The following ADIPOR2 variants were observed in gnomAD, a reference collection of about 807,000 sequenced individuals.
ADIPOR2 encodes adiponectin receptor protein 2.
ADIPOR2 carries 18 observed loss-of-function variants against 40.9 expected under a neutral mutation model. The observed-to-expected ratio is 0.44, with a 90% CI of 0.30 to 0.65. The LOEUF (loss-of-function observed/expected upper bound fraction) is 0.65. ADIPOR2 is among the 30% of genes least tolerant of loss of function. The pLI is 0.09. For missense variants in ADIPOR2, 283 were observed against 479.2 expected (o/e 0.59, Z 3.82); for synonymous variants, 165 against 166.4 (o/e 0.99, Z 0.06).
At chr12:1,767,775 T>C (rs1862415533) in intron 2 of ADIPOR2, among the ~76,000 whole-genome samples, 1 of 152,148 alleles carries the variant, frequency 6.6e-6, no homozygotes, top group African/African-American at 2.4e-5. Context: ...TTTCAAGTAG[T>C]TTAAGGAGAT....
At chr12:1,724,080 C>G (rs2094703139) in intron 1 of ADIPOR2, among the ~76,000 whole-genome samples, 1 of 151,810 alleles carries the variant, frequency 6.6e-6, no homozygotes, top group African/African-American at 2.4e-5. Context: ...CTCCCGGGTT[C>G]AAGCGATTCT....
intron 1 of ADIPOR2, among the ~76,000 whole-genome samples, chr12:1,741,829 T>C (rs1469583539): frequency 6.6e-6 from 1 of 152,226 alleles, no homozygotes; most frequent in Non-Finnish European, 1.5e-5. Context: ...AGAGTTCTTT[T>C]TTCTTAGGTA....
At chr12:1,699,499 A>G (rs1231370334) in intron 1 of ADIPOR2, among the ~76,000 whole-genome samples, 3 of 152,064 alleles carry the variant, frequency 2.0e-5, no homozygotes, top group Non-Finnish European at 2.9e-5. Flanking sequence ...CCAAAAACAA[A>G]AATTAGCCAG....
intron 1 of ADIPOR2, among the ~76,000 whole-genome samples, chr12:1,708,967 G>T (rs1005200442): frequency 1.3e-5 from 2 of 152,084 alleles, no homozygotes; most frequent in Non-Finnish European, 2.9e-5. Flanking sequence ...TGATCCACCT[G>T]CCTATACCTC....
chr12:1,757,739 C>T, intron 2 of ADIPOR2: 1 of 1,274,390 alleles, frequency 7.8e-7, no homozygotes, highest in Non-Finnish European at 1.1e-6. Flanking sequence ...CCCGTCTTGT[C>T]AATGCTGATG....
chr12:1,757,603 G>A (rs1338195279), intron 2 of ADIPOR2: 5 of 1,225,360 alleles, frequency 4.1e-6, no homozygotes, highest in Non-Finnish European at 6.1e-6. Flanking sequence ...GGCATCATGA[G>A]TCACCAGATG....
Position 1,787,975 on chromosome 12 carries a change from C to T in ADIPOR2, c.*1903C>T, listed in dbSNP as rs965117812. ...ACAGAATAAAGAACAGTATTAATCC[C>T]TTTGAGAAAGCATAGTCCAGCAGGA... On this transcript the variant is annotated 3_prime_UTR_variant, in exon 8 of 8. Coordinates refer to ENST00000357103, the MANE Select transcript of ADIPOR2 (RefSeq NM_024551.3). 1 of 152,668 alleles carries T rather than the reference C, an allele frequency of 6.6e-6. No homozygotes were observed. The highest frequency in any genetic ancestry group is 2.4e-5 in the African/African-American group (1 of 41,452). The allele number at this position is 152,668 out of a possible 1,614,324, so 9.5% of individuals were successfully genotyped here. A position where few individuals can be genotyped will look rare whatever the true frequency, so the allele number is the denominator to read the frequency against.
At chr12:1,735,408 G>A (rs990610841) in intron 1 of ADIPOR2, among the ~76,000 whole-genome samples, 1 of 152,122 alleles carries the variant, frequency 6.6e-6, no homozygotes, top group African/African-American at 2.4e-5. Context: ...TCTGTTATTG[G>A]TTTATAAGAA....
rs567278877 is a variant in ADIPOR2, at chr12:1,786,535, A to G, written c.*463A>G. ...TTTTAAATGCTCTTTTGGGAGAACAAAGAAATTAATGTAAATAAGATTTCT... is the reference window on the plus strand; with the variant it reads ...TTTTAAATGCTCTTTTGGGAGAACAGAGAAATTAATGTAAATAAGATTTCT... On this transcript the variant is annotated 3_prime_UTR_variant, in exon 8 of 8. Transcript: ENST00000357103. 6.5e-6 allele frequency: 1 copy of G among 154,854 alleles called. No individual in the cohort carries two copies. 9.6% of individuals were successfully genotyped at this position (154,854 alleles called of 1,614,324 possible).
At chr12:1,723,710 G>T (rs1176669465) in intron 1 of ADIPOR2, among the ~76,000 whole-genome samples, 1 of 151,846 alleles carries the variant, frequency 6.6e-6, no homozygotes, top group East Asian at 1.9e-4. Context: ...CTGCAAAAAA[G>T]CCAATCCTGA....
intron 1 of ADIPOR2, among the ~76,000 whole-genome samples, chr12:1,723,364 T>G (rs2094701432): frequency 6.6e-6 from 1 of 151,254 alleles, no homozygotes; most frequent in Non-Finnish European, 1.5e-5. Context: ...GCACAGTGGC[T>G]CATGCCTGTA....
At chr12:1,733,716 C>T (rs2154442641) in intron 1 of ADIPOR2, among the ~76,000 whole-genome samples, 1 of 152,122 alleles carries the variant, frequency 6.6e-6, no homozygotes, top group African/African-American at 2.4e-5. Flanking sequence ...ATTAACTAAT[C>T]ATTTAACGTT....
rs534594116 is a variant in ADIPOR2, at chr12:1,703,305, A to G, written c.-87+12114A>G. Among the ~76,000 whole-genome samples the G allele has an allele frequency of 6.6e-5, 10 of 152,362 alleles. No individual in the cohort carries two copies. The South Asian group carries it at 8.3e-4, about 13-fold the overall frequency. ...CAGTGCAAAATTTTTGCAGGCACAT[A>G]TGTATATGATATATGCAATCTATAT... On this transcript the variant is annotated intron_variant, in intron 1 of 7. Coordinates refer to ENST00000357103, the MANE Select transcript of ADIPOR2 (RefSeq NM_024551.3).
intron 2 of ADIPOR2, chr12:1,757,787 G>C (rs536400665): frequency 1.7e-5 from 16 of 947,670 alleles, no homozygotes; most frequent in Non-Finnish European, 2.4e-5. Flanking sequence ...ATATGAGTTC[G>C]GACCTTGCCA....
chr12:1,729,617 GTTTTTTTTTT>G lies in ADIPOR2; in HGVS notation c.-86-24626_-86-24617del, dbSNP rs56921758. On this transcript the variant is annotated intron_variant, in intron 1 of 7. Transcript: ENST00000357103. ...CATGAGCCAATGAGCTCAGCCAGTT[GTTTTTTTTTT>G]TTTTTTTTTTTTTTGAGTGTTTTTT... Among the ~76,000 whole-genome samples, 358 of 89,004 alleles carry G rather than the reference GTTTTTTTTTT, an allele frequency of 4.0e-3. 3 individuals are homozygous for G. Among genetic ancestry groups the G allele is most frequent in the African/African-American group, 0.014 (281 of 20,418 alleles). The allele number at this position is 89,004 out of a possible 152,430, so 58.4% of individuals were successfully genotyped here.
At chr12:1,724,059 G>A (rs544404348) in intron 1 of ADIPOR2, among the ~76,000 whole-genome samples, 3 of 151,552 alleles carry the variant, frequency 2.0e-5, no homozygotes, top group South Asian at 2.1e-4. Flanking sequence ...TTGGCTCACC[G>A]CAACCTCTGC....
chr12:1,705,931 T>C (rs1446129620), intron 1 of ADIPOR2, among the ~76,000 whole-genome samples: 1 of 152,188 alleles, frequency 6.6e-6, no homozygotes, highest in African/African-American at 2.4e-5. Context: ...AATTGCTTGA[T>C]CTCCGTGAAC....
chr12:1,774,257 T>C (rs1215133307), intron 3 of ADIPOR2, among the ~76,000 whole-genome samples: 6 of 152,198 alleles, frequency 3.9e-5, no homozygotes, highest in Non-Finnish European at 8.8e-5. Flanking sequence ...TCTCCCTTTC[T>C]GAACAGAGAA....
intron 2 of ADIPOR2, among the ~76,000 whole-genome samples, chr12:1,763,681 A>C (rs1238892189): frequency 1.3e-5 from 2 of 152,218 alleles, no homozygotes; most frequent in Non-Finnish European, 2.9e-5. Context: ...TCTGCATCCA[A>C]AATAGTCCAG....
Sources: allele counts gnomAD v4.1 joint callset (sites outside exome capture counted in the v4.1 genomes callset), GRCh38; gene constraint gnomAD v4.1.1; transcripts MANE v1.5; gene names NCBI Gene and HGNC (gene_info 2026-07-23, HGNC 2026-07-21).